Variants in AGFG2 observed in about 807,000 individuals in gnomAD.
AGFG2 encodes arf-GAP domain and FG repeat-containing protein 2.
In AGFG2, 31 loss-of-function variants were observed where a neutral mutation model predicts 48.0. That is an observed-to-expected ratio of 0.65 (90% CI 0.49 to 0.87). The LOEUF (loss-of-function observed/expected upper bound fraction) is 0.87. Among genes scored for constraint, AGFG2 ranks in the 40% least tolerant of loss-of-function variants. AGFG2 has a pLI of 0.00. For missense variants in AGFG2, 599 were observed against 632.6 expected (o/e 0.95, Z 0.57); for synonymous variants, 229 against 260.8 (o/e 0.88, Z 1.18).
In AGFG2 at chr7:100,539,235, C is replaced by A. The variant is rs963882856; in HGVS notation, c.-112C>A. 9.8e-6 allele frequency: 11 copies of A among 1,117,866 alleles called. No individual in the cohort carries two copies. The highest frequency in any genetic ancestry group is 6.4e-5 in the East Asian group (2 of 31,230). The allele number at this position is 1,117,866 out of a possible 1,614,324, so 69.2% of individuals were successfully genotyped here. A position where few individuals can be genotyped will look rare whatever the true frequency, so the allele number is the denominator to read the frequency against. The stretch of plus-strand genomic sequence containing the variant: ...GGCGAAGTCTCCTGCGGATGCCGCC[C>A]GCTCCCGAGCTTCTGTCAGGGGAGC... On this transcript the variant is annotated 5_prime_UTR_variant, in exon 1 of 12. Transcript: ENST00000300176.
rs1215725613 is a variant in AGFG2 at position 100,565,344 on chromosome 7, G to A, written c.*353G>A. 15 of 306,238 alleles carry A rather than the reference G, an allele frequency of 4.9e-5. No homozygotes were observed. The highest frequency in any genetic ancestry group is 8.7e-5 in the Non-Finnish European group (14 of 161,094). 19.0% of individuals were successfully genotyped at this position (306,238 alleles called of 1,614,324 possible). A position where few individuals can be genotyped will look rare whatever the true frequency, so the allele number is the denominator to read the frequency against. On this transcript the variant is annotated 3_prime_UTR_variant, in exon 12 of 12. Transcript: ENST00000300176. Reference sequence around the variant, plus strand: ...CGCTGTGCTCCTCATGGACGGGAGCGCAGTGGGGAAGGTAGGGGAAAGATG... The same window carrying A: ...CGCTGTGCTCCTCATGGACGGGAGCACAGTGGGGAAGGTAGGGGAAAGATG...
At chr7:100,545,381 T>G (rs915927505) in intron 1 of AGFG2, among the ~76,000 whole-genome samples, 6 of 152,060 alleles carry the variant, frequency 3.9e-5, no homozygotes, top group Admixed American at 6.5e-5. Flanking sequence ...CTATGCCTAA[T>G]GGAATCAGAG....
In AGFG2 at chr7:100,561,250, C is replaced by T. The variant is rs149498422; in HGVS notation, c.878-1009C>T. Among the ~76,000 whole-genome samples, 96 of 151,796 alleles carry T rather than the reference C, an allele frequency of 6.3e-4. No individual in the cohort carries two copies. The East Asian group carries it at 0.016, about 25-fold the overall frequency. On this transcript the variant is annotated intron_variant, in intron 6 of 11. Transcript: ENST00000300176. ...CAAGTGATTCTCCTGCTTCAGCCTC[C>T]GAAGTAGCTGGGATTACAAGCACCT...
At chr7:100,561,450 C>A (rs1044392535) in intron 6 of AGFG2, among the ~76,000 whole-genome samples, 1 of 152,146 alleles carries the variant, frequency 6.6e-6, no homozygotes, top group Non-Finnish European at 1.5e-5. Flanking sequence ...TCCATCTGGA[C>A]CCTCCTTTTA....
Position 100,562,843 on chromosome 7 carries a change from TC to T in AGFG2, c.1088-16del. On this transcript the variant is annotated intron_variant, in intron 8 of 11. Coordinates refer to ENST00000300176, the MANE Select transcript of AGFG2 (RefSeq NM_006076.5). The surrounding 1 kb of genome is among the most constrained non-coding windows in gnomAD (Gnocchi z 5.4). The stretch of plus-strand genomic sequence containing the variant: ...TAACCATCTCTCTCTTTCCTGCCGC[TC>T]CCCATTCCACCTGGGCAGCCTTCAC... 1 of 1,613,160 alleles carries T rather than the reference TC, an allele frequency of 6.2e-7. No homozygotes were observed. The highest frequency in any genetic ancestry group is 1.1e-5 in the South Asian group (1 of 91,058).
intron 3 of AGFG2, among the ~76,000 whole-genome samples, chr7:100,552,040 T>C (rs1800658489): frequency 6.6e-6 from 1 of 151,736 alleles, no homozygotes; most frequent in African/African-American, 2.4e-5. Context: ...TCAGGACTAG[T>C]TCAAGACTAG....
chr7:100,552,279 C>T (rs996361631), intron 3 of AGFG2, among the ~76,000 whole-genome samples: 4 of 152,002 alleles, frequency 2.6e-5, no homozygotes, highest in African/African-American at 9.7e-5. Context: ...AAAAGCAATA[C>T]AATATAGCAA....
At chr7:100,557,475 T>G (rs1016228458) in intron 6 of AGFG2, among the ~76,000 whole-genome samples, 2 of 152,178 alleles carry the variant, frequency 1.3e-5, no homozygotes, top group Non-Finnish European at 2.9e-5. Context: ...GTTTGTGTGT[T>G]TTTTGAGACA....
intron 4 of AGFG2, 135 bp downstream of exon 4, chr7:100,553,635 C>A: frequency 9.4e-7 from 1 of 1,068,412 alleles, no homozygotes; most frequent in Non-Finnish European, 1.3e-6. Flanking sequence ...CTGCTGTTAA[C>A]CTGTATCTTG....
chr7:100,539,412 G>A lies in AGFG2; in HGVS notation c.66G>A (p.Ala22=). The change falls in exon 1 of 12, where the codon GCG becomes GCA. Residue 22 remains alanine (A), a synonymous_variant. Transcript: ENST00000300176. ...GGGVSGGKAE[A]EAASEVWCRR... ...GGGTCAGCGGGGGCAAGGCGGAGGC[G>A]GAGGCGGCCTCGGAGGTGTGGTGCC... The A allele has an allele frequency of 4.6e-6, 6 of 1,317,918 alleles. No homozygotes were observed. Among genetic ancestry groups the A allele is most frequent in the Non-Finnish European group, 5.8e-6 (6 of 1,030,404 alleles). The allele number at this position is 1,317,918 out of a possible 1,614,324, so 81.6% of individuals were successfully genotyped here.
At chr7:100,555,850 C>G (rs1257610584) in intron 6 of AGFG2, 115 bp downstream of exon 6, 1 of 1,406,352 alleles carries the variant, frequency 7.1e-7, no homozygotes, top group South Asian at 1.4e-5. Context: ...CAGCAAAGCA[C>G]AAAGAGAAGC....
chr7:100,556,527 C>G, intron 6 of AGFG2: 1 of 1,242,024 alleles, frequency 8.1e-7, no homozygotes, highest in Non-Finnish European at 1.1e-6. Flanking sequence ...GGGGAAAAGC[C>G]AGTGACATAC....
rs118114215 is a variant in AGFG2, at chr7:100,542,510, A to G, written c.221+2943A>G. Among the ~76,000 whole-genome samples, 63 of 152,358 alleles carry G rather than the reference A, an allele frequency of 4.1e-4. 1 individual carries two copies. The East Asian group carries it at 0.012, about 28-fold the overall frequency. ...CTGAATTGAAGGTATGTTGAGAGTG[A>G]GAAATTTCAGGAGAAACTCTGCAAG... On this transcript the variant is annotated intron_variant, in intron 1 of 11. Coordinates refer to ENST00000300176, the MANE Select transcript of AGFG2 (RefSeq NM_006076.5).
At chr7:100,553,290 T>C in intron 3 of AGFG2, 57 bp from the exon 4 acceptor site, 1 of 1,595,214 alleles carries the variant, frequency 6.3e-7, no homozygotes, top group South Asian at 1.1e-5. Flanking sequence ...ACATCTCAGC[T>C]GAGCGTGGTC....
chr7:100,563,763 G>A (rs1800932861), intron 9 of AGFG2, 71 bp from the exon 10 acceptor site: 1 of 1,592,742 alleles, frequency 6.3e-7, no homozygotes, highest in Admixed American at 1.8e-5. Context: ...ATCTTGGAGG[G>A]ACTTAGGAAA....
rs751441471 is a variant in AGFG2 at position 100,548,819 on chromosome 7, T to C, written c.222-3T>C. 4.4e-6 allele frequency: 7 copies of C among 1,609,086 alleles called. No individual in the cohort carries two copies. Among genetic ancestry groups the C allele is most frequent in the South Asian group, 2.2e-5 (2 of 91,000 alleles). ...TCTCTTTCTTCCTGTTTCTCTCCCA[T>C]AGGAGAGGGCTGAACCCCCCTCATC... On this transcript the variant is annotated splice_polypyrimidine_tract_variant and splice_region_variant and intron_variant, in intron 1 of 11. Coordinates refer to ENST00000300176, the MANE Select transcript of AGFG2 (RefSeq NM_006076.5).
In AGFG2 at chr7:100,555,664, C is replaced by T. The variant is rs1398113524; in HGVS notation, c.806C>T (p.Pro269Leu). Residue 269 changes from proline (P) to leucine (L), a missense_variant, in exon 6 of 12, where the codon CCC becomes CTC. Pro to Leu is a moderately conservative substitution (Grantham distance 98). Coordinates refer to ENST00000300176, the MANE Select transcript of AGFG2 (RefSeq NM_006076.5). The part of the protein sequence containing the change: ...FANFDAFSSG[P>L]SSSVFGSLPP... The stretch of plus-strand genomic sequence containing the variant: ...AACTTTGATGCCTTTAGCAGTGGCC[C>T]CAGCTCTTCTGTGTTTGGAAGCCTC... The T allele has an allele frequency of 6.2e-7, 1 of 1,614,138 alleles. No individual in the cohort carries two copies. The highest frequency in any genetic ancestry group is 1.7e-5 in the Admixed American group (1 of 60,028).
At chr7:100,560,528 A>G (rs1262078770) in intron 6 of AGFG2, among the ~76,000 whole-genome samples, 1 of 152,128 alleles carries the variant, frequency 6.6e-6, no homozygotes, top group African/African-American at 2.4e-5. Context: ...ATTAGAAAGG[A>G]TTGATGACCA....
chr7:100,556,565 A>C (rs1584388145), intron 6 of AGFG2: 1 of 1,287,212 alleles, frequency 7.8e-7, no homozygotes, highest in Middle Eastern at 2.1e-4. Context: ...TCCTCTACCC[A>C]CCCTTCTCTT....
Sources: gnomAD v4.1 joint callset for allele counts (sites outside exome capture counted in the v4.1 genomes callset) on GRCh38, gnomAD v4.1.1 for gene constraint, Gnocchi (gnomAD v3.1) non-coding constraint, MANE v1.5 for transcripts, NCBI Gene and HGNC (gene_info 2026-07-23, HGNC 2026-07-21) for gene names.